Variants in GJB3 observed in about 807,000 individuals in gnomAD.
GJB3 encodes the protein gap junction protein beta 3.
A neutral mutation model predicts 8.1 loss-of-function variants in GJB3; 6 were observed. The observed-to-expected ratio is 0.75, with a 90% CI of 0.41 to 1.47. The LOEUF (loss-of-function observed/expected upper bound fraction) is 1.47. GJB3 is among the 40% of genes most tolerant of loss of function. The pLI is 0.02. For missense variants in GJB3, 348 were observed against 365.6 expected (o/e 0.95, Z 0.39); for synonymous variants, 137 against 156.4 (o/e 0.88, Z 0.93).
chr1:34,784,381 GCA>G (rs1291880808), intron 1 of GJB3, among the ~76,000 whole-genome samples: 2 of 152,180 alleles, frequency 1.3e-5, no homozygotes, highest in African/African-American at 4.8e-5. Context: ...TAAGTGAGGA[GCA>G]CTGTAATAAC....
intron 1 of GJB3, among the ~76,000 whole-genome samples, chr1:34,783,292 G>T (rs1311265801): frequency 6.6e-6 from 1 of 152,100 alleles, no homozygotes; most frequent in Non-Finnish European, 1.5e-5. Context: ...ACAGAAGCAG[G>T]GGCTCTTTCA....
At position 34,785,833 on chromosome 1, in the gene GJB3, G is replaced by A; in HGVS notation, c.*258G>A. 1 of 546,076 alleles carries A rather than the reference G, an allele frequency of 1.8e-6. No homozygotes were observed. Among genetic ancestry groups the A allele is most frequent in the Non-Finnish European group, 3.4e-6 (1 of 294,896 alleles). The allele number at this position is 546,076 out of a possible 1,614,324, so 33.8% of individuals were successfully genotyped here. ...ATTAACTATCTACGCTGCCTGCAAG[G>A]GGCCACTTAGGGCACTGCTAGCAGG... On this transcript the variant is annotated 3_prime_UTR_variant, in exon 2 of 2. Transcript: ENST00000373366. The surrounding 1 kb of genome is among the most constrained non-coding windows in gnomAD (Gnocchi z 4.7).
chr1:34,783,446 T>A (rs148229212), intron 1 of GJB3, among the ~76,000 whole-genome samples: 1 of 152,264 alleles, frequency 6.6e-6, no homozygotes, highest in African/African-American at 2.4e-5. Context: ...AGGCCCTTAT[T>A]CCAGGGTGGC....
rs1352449936 is a variant in GJB3, at chr1:34,786,077, A to G, written c.*502A>G. The G allele has an allele frequency of 5.6e-6, 1 of 177,392 alleles. No individual in the cohort carries two copies. Among genetic ancestry groups the G allele is most frequent in the Non-Finnish European group, 1.4e-5 (1 of 73,656 alleles). The allele number at this position is 177,392 out of a possible 1,614,324, so 11.0% of individuals were successfully genotyped here. On this transcript the variant is annotated 3_prime_UTR_variant, in exon 2 of 2. Transcript: ENST00000373366. This position sits in a 1 kb window ranked among gnomAD's most constrained non-coding sequence, Gnocchi z 4.4. ...GGAGCCGCCCAGATTCCTGCAGTGG[A>G]GAGGAGGTCTTCCAGCAGCAGCAGG...
Position 34,785,422 on chromosome 1 carries a change from G to A in GJB3, c.660G>A (p.Lys220=), listed in dbSNP as rs777765331. The change falls in exon 2 of 2, where the codon AAG becomes AAA. Residue 220 remains lysine, a synonymous_variant. Coordinates refer to ENST00000373366, the MANE Select transcript of GJB3 (RefSeq NM_024009.3). The surrounding 1 kb of genome is among the most constrained non-coding windows in gnomAD (Gnocchi z 4.7). ...ACAGGGTCCTGCGAGGCCTGCACAA[G>A]GACAAGCCTCGAGGGGGTTGCAGCC... ...ICHRVLRGLH[K]DKPRGGCSPS... is the part of the protein sequence containing the mutation. 1.9e-5 allele frequency: 31 copies of A among 1,613,230 alleles called. No individual in the cohort carries two copies. The highest frequency in any genetic ancestry group is 1.7e-4 in the Middle Eastern group (1 of 6,028).
At chr1:34,784,300 G>T (rs1410577665) in intron 1 of GJB3, among the ~76,000 whole-genome samples, 1 of 152,210 alleles carries the variant, frequency 6.6e-6, no homozygotes, top group East Asian at 1.9e-4. Flanking sequence ...ACAGTAATGA[G>T]TAGCCAGCAT....
At position 34,785,582 on chromosome 1, in the gene GJB3, G is replaced by A. The variant is rs1316629246; in HGVS notation, c.*7G>A. On this transcript the variant is annotated 3_prime_UTR_variant, in exon 2 of 2. Coordinates refer to ENST00000373366, the MANE Select transcript of GJB3 (RefSeq NM_024009.3). The surrounding 1 kb of genome is among the most constrained non-coding windows in gnomAD (Gnocchi z 4.7). ...CAACCTGACCCCCATCTGACCACAG[G>A]GCAGGGGTGGGGCAACATGCGGGCT... 1.2e-6 allele frequency: 2 copies of A among 1,611,870 alleles called. No individual in the cohort carries two copies. The highest frequency in any genetic ancestry group is 1.1e-5 in the South Asian group (1 of 91,016).
At position 34,785,354 on chromosome 1, in the gene GJB3, T is replaced by G; in HGVS notation, c.592T>G (p.Cys198Gly). Residue 198 changes from cysteine (C) to glycine (G), a missense_variant, in exon 2 of 2, where the codon TGC becomes GGC. By Grantham distance (159) the Cys-to-Gly change is radical. Transcript: ENST00000373366. This position sits in a 1 kb window ranked among gnomAD's most constrained non-coding sequence, Gnocchi z 4.7. ...CTTCATGGTGGGCGCCTCCGCCGTC[T>G]GCATCGTACTCACCATCTGTGAGCT... is the stretch of plus-strand genomic sequence containing the variant. Reference protein sequence around the residue: ...TYFMVGASAVCIVLTICELCY... With the variant: ...TYFMVGASAVGIVLTICELCY... 1 of 1,613,608 alleles carries G rather than the reference T, an allele frequency of 6.2e-7. No homozygotes were observed. The highest frequency in any genetic ancestry group is 1.3e-5 in the African/African-American group (1 of 74,846).
chr1:34,782,809 T>C (rs1640034040), intron 1 of GJB3, among the ~76,000 whole-genome samples: 1 of 151,230 alleles, frequency 6.6e-6, no homozygotes, highest in African/African-American at 2.4e-5. Context: ...GGGAAGTCTT[T>C]CCCCCAATCC....
intron 1 of GJB3, among the ~76,000 whole-genome samples, chr1:34,783,787 C>T (rs1640053403): frequency 6.6e-6 from 1 of 152,092 alleles, no homozygotes; most frequent in Non-Finnish European, 1.5e-5. Flanking sequence ...CCCACCCGTC[C>T]ACACCCTCTG....
At position 34,781,247 on chromosome 1, in the gene GJB3, G is replaced by GC. The variant is rs3831969; in HGVS notation, c.-551dup. The GC allele has an allele frequency of 0.26, 38,850 of 151,614 alleles. 5,903 individuals carry two copies. Among genetic ancestry groups the GC allele is most frequent in the African/African-American group, 0.42 (17,474 of 41,314 alleles). 9.4% of individuals were successfully genotyped at this position (151,614 alleles called of 1,614,324 possible). ...CCTTCCCGCTGTGGGTACAAGGTCT[G>GC]CCCCCCACCCCAGCTCTCCAAAGCC... On this transcript the variant is annotated 5_prime_UTR_variant, in exon 1 of 2. Coordinates refer to ENST00000373366, the MANE Select transcript of GJB3 (RefSeq NM_024009.3). This position sits in a 1 kb window ranked among gnomAD's most constrained non-coding sequence, Gnocchi z 6.2.
rs1326117272 is a variant in GJB3 at position 34,781,324 on chromosome 1, G to C, written c.-480G>C. The C allele has an allele frequency of 6.6e-6, 1 of 152,204 alleles. No individual in the cohort carries two copies. The highest frequency in any genetic ancestry group is 1.5e-5 in the Non-Finnish European group (1 of 68,038). The allele number at this position is 152,204 out of a possible 1,614,324, so 9.4% of individuals were successfully genotyped here. On this transcript the variant is annotated 5_prime_UTR_variant, in exon 1 of 2. Transcript: ENST00000373366. The surrounding 1 kb of genome is among the most constrained non-coding windows in gnomAD (Gnocchi z 6.2). The stretch of plus-strand genomic sequence containing the variant: ...GACGGCCCGTCGCACCGGGAGGGGG[G>C]GCTCCCAGGGGTGCCCCACGCACGG...
chr1:34,785,919 A>G lies in GJB3; in HGVS notation c.*344A>G. 2.7e-6 allele frequency: 1 copy of G among 370,062 alleles called. No individual in the cohort carries two copies. Among genetic ancestry groups the G allele is most frequent in the South Asian group, 2.8e-5 (1 of 35,690 alleles). 22.9% of individuals were successfully genotyped at this position (370,062 alleles called of 1,614,324 possible). ...GATCAGGAGAGGCTTCCCTGAGGAC[A>G]TAATGTGTAAGAGAGGTGAGAAGTG... On this transcript the variant is annotated 3_prime_UTR_variant, in exon 2 of 2. Transcript: ENST00000373366. This position sits in a 1 kb window ranked among gnomAD's most constrained non-coding sequence, Gnocchi z 4.7.
chr1:34,784,835 C>T lies in GJB3; in HGVS notation c.73C>T (p.Leu25=), dbSNP rs757962672. The T allele has an allele frequency of 1.1e-5, 17 of 1,614,130 alleles. No homozygotes were observed. The highest frequency in any genetic ancestry group is 1.4e-5 in the Non-Finnish European group (16 of 1,180,054). The part of the protein sequence containing the change: ...KYSTAFGRIW[L]SVVFVFRVLV... ...CTCCACAGCGTTCGGGCGCATCTGGCTGTCCGTGGTGTTCGTCTTCCGGGT... is the reference window on the plus strand; with the variant it reads ...CTCCACAGCGTTCGGGCGCATCTGGTTGTCCGTGGTGTTCGTCTTCCGGGT... Residue 25 remains leucine, a synonymous_variant, in exon 2 of 2, where the codon CTG becomes TTG. Transcript: ENST00000373366.
Position 34,784,971 on chromosome 1 carries a change from C to A in GJB3, c.209C>A (p.Pro70His), listed in dbSNP as rs773051683. The change falls in exon 2 of 2, where the codon CCC (proline) becomes CAC (histidine). Residue 70 changes from proline (P) to histidine (H), a missense_variant. By Grantham distance (77) the Pro-to-His change is moderately conservative. Transcript: ENST00000373366. ...AACGTCTGCTACGACAACTACTTCC[C>A]CATCTCCAACATCCGCCTCTGGGCC... ...CTNVCYDNYF[P>H]ISNIRLWALQ... 6.2e-6 allele frequency: 10 copies of A among 1,614,068 alleles called. No homozygotes were observed. In the East Asian group the frequency reaches 2.2e-4, roughly 36 times the overall value.
At chr1:34,783,054 G>A (rs919786020) in intron 1 of GJB3, among the ~76,000 whole-genome samples, 2 of 152,162 alleles carry the variant, frequency 1.3e-5, no homozygotes, top group African/African-American at 4.8e-5. Context: ...TTTAATTTCA[G>A]ATAGTGACTA....
At chr1:34,782,461 G>A (rs1640027594) in intron 1 of GJB3, 1 of 152,184 alleles carries the variant, frequency 6.6e-6, no homozygotes. Flanking sequence ...CAGCCTGGGA[G>A]GGAAGAGTCT....
chr1:34,782,129 G>C (rs1360298687), intron 1 of GJB3: 1 of 152,454 alleles, frequency 6.6e-6, no homozygotes, highest in Non-Finnish European at 1.5e-5. Context: ...ACAGTCTGGG[G>C]GTCAGGGAAA....
At chr1:34,783,350 G>C (rs1273878954) in intron 1 of GJB3, among the ~76,000 whole-genome samples, 1 of 152,198 alleles carries the variant, frequency 6.6e-6, no homozygotes, top group Non-Finnish European at 1.5e-5. Flanking sequence ...GGTTTGAGCA[G>C]AGGCCTCTGT....
Sources: allele counts gnomAD v4.1 joint callset (sites outside exome capture counted in the v4.1 genomes callset), GRCh38; gene constraint gnomAD v4.1.1; non-coding constraint Gnocchi (gnomAD v3.1); transcripts MANE v1.5; gene names NCBI Gene and HGNC (gene_info 2026-07-23, HGNC 2026-07-21).